Variants in MYBPC1 observed in about 807,000 individuals in gnomAD.
The protein encoded by MYBPC1 is myosin binding protein C1.
A neutral mutation model predicts 147.1 loss-of-function variants in MYBPC1; 52 were observed. The observed-to-expected ratio is 0.35, with a 90% CI of 0.28 to 0.45. MYBPC1 has a LOEUF of 0.45. Ranked by LOEUF, MYBPC1 falls within the 20% of genes least tolerant of loss-of-function variation. The pLI is 1.00. For synonymous variants in MYBPC1, 477 were observed against 475.9 expected, an observed-to-expected ratio of 1.00 and a Z score of -0.03; for missense variants, 1,228 against 1,440.3, an observed-to-expected ratio of 0.85 and a Z score of 2.39.
In MYBPC1 at chr12:101,607,941, G is replaced by T. The variant is rs80263462; in HGVS notation, c.26-6555G>T. ...ATAGAAATGGACTCCATTGGAGAGG[G>T]CCAAGCCATTTATGGAGTTACTGGG... On this transcript the variant is annotated intron_variant, in intron 1 of 31. Coordinates refer to ENST00000361466, the MANE Select transcript of MYBPC1 (RefSeq NM_002465.4). Among the ~76,000 whole-genome samples, 1,965 of 152,236 alleles carry T rather than the reference G, an allele frequency of 0.013. 90 individuals are homozygous for T. In the East Asian group the frequency reaches 0.15, roughly 11 times the overall value.
chr12:101,674,470 T>C (rs1899419645), intron 25 of MYBPC1, among the ~76,000 whole-genome samples: 1 of 152,098 alleles, frequency 6.6e-6, no homozygotes, highest in Admixed American at 6.5e-5. Context: ...AAAAAATAAA[T>C]AAGGTTAGTT....
At chr12:101,602,553 A>G (rs1880520718) in intron 1 of MYBPC1, among the ~76,000 whole-genome samples, 1 of 152,150 alleles carries the variant, frequency 6.6e-6, no homozygotes, top group African/African-American at 2.4e-5. Context: ...ACATATGGAA[A>G]GATTTCAAGC....
At chr12:101,611,731 T>C (rs911655433) in intron 1 of MYBPC1, among the ~76,000 whole-genome samples, 2 of 152,098 alleles carry the variant, frequency 1.3e-5, no homozygotes, top group African/African-American at 4.8e-5. Context: ...GAAAAGAGAA[T>C]GTGTTATGAT....
downstream of MYBPC1, among the ~76,000 whole-genome samples, chr12:101,689,368 A>C (rs1436026465): frequency 3.3e-5 from 5 of 152,184 alleles, no homozygotes; most frequent in Non-Finnish European, 7.4e-5. Flanking sequence ...CTGTCATTGT[A>C]TTACACTTTA....
intron 13 of MYBPC1, 25 bp downstream of exon 13, chr12:101,646,912 G>A: frequency 6.2e-7 from 1 of 1,613,606 alleles, no homozygotes; most frequent in Non-Finnish European, 8.5e-7. Flanking sequence ...TCTTATTGTG[G>A]TCACCAGGAG....
At position 101,594,972 on chromosome 12, in the gene MYBPC1, T is replaced by C; in HGVS notation, c.-99T>C. 8.5e-7 allele frequency: 1 copy of C among 1,173,820 alleles called. No individual in the cohort carries two copies. The highest frequency in any genetic ancestry group is 1.3e-6 in the Non-Finnish European group (1 of 793,180). The allele number at this position is 1,173,820 out of a possible 1,614,324, so 72.7% of individuals were successfully genotyped here. ...CACTGGGTTTCTCCCCAACTGCTTG[T>C]CACACCGACCTGCACCATCTCTCGC... On this transcript the variant is annotated 5_prime_UTR_variant, in exon 1 of 32. Coordinates refer to ENST00000361466, the MANE Select transcript of MYBPC1 (RefSeq NM_002465.4).
At chr12:101,662,333 T>C in intron 20 of MYBPC1, 25 bp from the exon 21 acceptor site, 1 of 1,612,810 alleles carries the variant, frequency 6.2e-7, no homozygotes, top group Non-Finnish European at 8.5e-7. Context: ...GGAAAAACCT[T>C]AGTTTTCATT....
chr12:101,618,335 G>T (rs1406517768), intron 3 of MYBPC1, among the ~76,000 whole-genome samples: 1 of 152,214 alleles, frequency 6.6e-6, no homozygotes, highest in Non-Finnish European at 1.5e-5. Flanking sequence ...CCCATGGAGA[G>T]TAACATGAAT....
intron 15 of MYBPC1, among the ~76,000 whole-genome samples, chr12:101,649,896 C>G (rs1244839201): frequency 1.3e-5 from 2 of 152,188 alleles, no homozygotes; most frequent in African/African-American, 4.8e-5. Flanking sequence ...TCCCTCAATG[C>G]CCTCTACTTC....
chr12:101,617,732 A>C (rs1278266892), intron 3 of MYBPC1, among the ~76,000 whole-genome samples: 2 of 152,208 alleles, frequency 1.3e-5, no homozygotes, highest in Non-Finnish European at 2.9e-5. Flanking sequence ...ACAGATACAC[A>C]ATATAACATT....
chr12:101,627,212 G>C (rs1466391789), intron 4 of MYBPC1, among the ~76,000 whole-genome samples: 1 of 152,000 alleles, frequency 6.6e-6, no homozygotes, highest in Admixed American at 6.6e-5. Context: ...CCTTTTCCCT[G>C]TTCTTTAAAT....
At chr12:101,656,300 G>T (rs751252334) in intron 18 of MYBPC1, among the ~76,000 whole-genome samples, 2 of 151,714 alleles carry the variant, frequency 1.3e-5, no homozygotes, top group Non-Finnish European at 2.9e-5. Context: ...AAAGAAGAAG[G>T]GCAACCAATA....
intron 1 of MYBPC1, among the ~76,000 whole-genome samples, chr12:101,611,274 T>A (rs538569628): frequency 6.6e-6 from 1 of 152,338 alleles, no homozygotes; most frequent in Non-Finnish European, 1.5e-5. Context: ...GTGGATTCAG[T>A]GGAAGTTGAA....
Position 101,619,392 on chromosome 12 carries a change from G to A in MYBPC1, c.103+2149G>A, listed in dbSNP as rs542290926. 5.9e-5 allele frequency among the ~76,000 whole-genome samples: 9 copies of A among 152,254 alleles called. No individual in the cohort carries two copies. In the East Asian group the frequency reaches 1.7e-3, roughly 29 times the overall value. ...TCCACATAATCGCACATTAATGGTT[G>A]ACTCCTTTTCCTAACAGGTTGTAAG... On this transcript the variant is annotated intron_variant, in intron 3 of 31. Coordinates refer to ENST00000361466, the MANE Select transcript of MYBPC1 (RefSeq NM_002465.4).
intron 26 of MYBPC1, among the ~76,000 whole-genome samples, chr12:101,676,960 TA>T (rs1900138552): frequency 6.6e-6 from 1 of 152,110 alleles, no homozygotes; most frequent in African/African-American, 2.4e-5. Flanking sequence ...TGAAAAAATA[TA>T]AAGATAGTAG....
intron 4 of MYBPC1, 83 bp downstream of exon 4, chr12:101,626,993 C>A: frequency 7.7e-7 from 1 of 1,306,250 alleles, no homozygotes; most frequent in Admixed American, 1.7e-5. Flanking sequence ...AGTGAGCCTC[C>A]TTGCTGAGTC....
intron 10 of MYBPC1, chr12:101,637,116 G>A: frequency 5.0e-6 from 1 of 201,776 alleles, no homozygotes; most frequent in South Asian, 9.2e-5. Context: ...TATTTATGAT[G>A]TACTGTATTT....
chr12:101,628,401 A>G (rs1027135712), intron 5 of MYBPC1, among the ~76,000 whole-genome samples: 5 of 152,232 alleles, frequency 3.3e-5, no homozygotes, highest in African/African-American at 7.2e-5. Flanking sequence ...GGTGTTTAAA[A>G]ATATGTAATC....
chr12:101,614,062 T>C (rs778580718), intron 1 of MYBPC1, among the ~76,000 whole-genome samples: 17 of 152,124 alleles, frequency 1.1e-4, no homozygotes, highest in Admixed American at 3.9e-4. Flanking sequence ...TTGCTACCCA[T>C]TGTGTTTCAC....
Sources: gnomAD v4.1 joint callset for allele counts (sites outside exome capture counted in the v4.1 genomes callset) on GRCh38, gnomAD v4.1.1 for gene constraint, MANE v1.5 for transcripts, NCBI Gene and HGNC (gene_info 2026-07-23, HGNC 2026-07-21) for gene names.